The following XPR1 variants were observed in gnomAD, a reference collection of about 807,000 sequenced individuals.
XPR1 encodes the protein solute carrier family 53 member 1.
In XPR1, 28 loss-of-function variants were observed where a neutral mutation model predicts 87.5. The ratio of observed to expected loss-of-function variants is 0.32; its 90% CI spans 0.24 to 0.44. The LOEUF is 0.44. Ranked by LOEUF, XPR1 falls within the 20% of genes least tolerant of loss-of-function variation. The pLI, the probability that XPR1 is intolerant of heterozygous loss-of-function variation, is 1.00. For synonymous variants in XPR1, 300 were observed against 306.1 expected, an observed-to-expected ratio of 0.98 and a Z score of 0.21; for missense variants, 559 against 862.3, an observed-to-expected ratio of 0.65 and a Z score of 4.41.
intron 1 of XPR1, among the ~76,000 whole-genome samples, chr1:180,639,523 C>G (rs548297758): frequency 6.6e-6 from 1 of 151,888 alleles, no homozygotes; most frequent in African/African-American, 2.4e-5. Flanking sequence ...ATTGACTATT[C>G]GTAAATAACT....
At chr1:180,812,126 C>CTTTG (rs138889676) in intron 7 of XPR1, among the ~76,000 whole-genome samples, 6,497 of 152,166 alleles carry the variant, frequency 0.043, 487 homozygotes, top group African/African-American at 0.15. Context: ...TCTTGAAACA[C>CTTTG]TTTGATTGTT....
intron 9 of XPR1, among the ~76,000 whole-genome samples, chr1:180,832,250 T>C (rs1189508460): frequency 9.9e-5 from 15 of 152,232 alleles, no homozygotes; most frequent in African/African-American, 3.4e-4. Flanking sequence ...TTTTTTTTCT[T>C]GTAAATTTGT....
At chr1:180,843,378 C>T (rs1651578954) in intron 11 of XPR1, among the ~76,000 whole-genome samples, 1 of 151,942 alleles carries the variant, frequency 6.6e-6, no homozygotes, top group Non-Finnish European at 1.5e-5. Flanking sequence ...ATTTTTAACT[C>T]TTTCAAAATT....
intron 2 of XPR1, among the ~76,000 whole-genome samples, chr1:180,754,853 C>A (rs1299940447): frequency 6.6e-6 from 1 of 152,038 alleles, no homozygotes; most frequent in Non-Finnish European, 1.5e-5. Flanking sequence ...AGTCTTTTGT[C>A]CCCCTCACTC....
intron 2 of XPR1, among the ~76,000 whole-genome samples, chr1:180,696,208 G>GTGTGTGTATA (rs1241189679): frequency 1.1e-5 from 1 of 88,564 alleles, no homozygotes; most frequent in Non-Finnish European, 2.3e-5. Flanking sequence ...GTGTGTGTGT[G>GTGTGTGTATA]TATATATATA....
intron 2 of XPR1, among the ~76,000 whole-genome samples, chr1:180,707,863 A>T (rs1657610715): frequency 6.6e-6 from 1 of 152,088 alleles, no homozygotes; most frequent in Non-Finnish European, 1.5e-5. Context: ...TCCATTACTA[A>T]TTTTTCTCAT....
intron 2 of XPR1, among the ~76,000 whole-genome samples, chr1:180,720,394 A>G (rs1287289941): frequency 6.6e-6 from 1 of 152,162 alleles, no homozygotes; most frequent in Non-Finnish European, 1.5e-5. Context: ...CTTTTTTGGT[A>G]GAGATACAAC....
At chr1:180,856,753 T>G (rs938666179) in intron 11 of XPR1, among the ~76,000 whole-genome samples, 11 of 152,186 alleles carry the variant, frequency 7.2e-5, no homozygotes, top group African/African-American at 2.7e-4. Context: ...ACCTCTCTGT[T>G]CCTTAAACTT....
chr1:180,659,228 TC>T (rs1655658289), intron 1 of XPR1, among the ~76,000 whole-genome samples: 2 of 33,376 alleles, frequency 6.0e-5, no homozygotes, highest in African/African-American at 8.9e-5. Flanking sequence ...CTTCCTTCCT[TC>T]CTTCCTTCCT....
chr1:180,846,551 C>T (rs1042724276), intron 11 of XPR1, among the ~76,000 whole-genome samples: 4 of 151,714 alleles, frequency 2.6e-5, no homozygotes, highest in East Asian at 1.9e-4. Flanking sequence ...AAGCAATTCT[C>T]CTGCCTCAGC....
intron 10 of XPR1, 123 bp from the exon 11 acceptor site, chr1:180,836,399 A>G: frequency 2.0e-6 from 2 of 985,436 alleles, no homozygotes; most frequent in East Asian, 2.6e-5. Context: ...AGTTGCAAAG[A>G]AGAAAGTGAT....
chr1:180,675,994 G>A (rs949974505), intron 1 of XPR1, among the ~76,000 whole-genome samples: 2 of 152,086 alleles, frequency 1.3e-5, no homozygotes, highest in African/African-American at 2.4e-5. Context: ...AAAGAGTTCC[G>A]TATGATTTCA....
intron 11 of XPR1, among the ~76,000 whole-genome samples, chr1:180,838,104 C>A (rs564383592): frequency 6.6e-6 from 1 of 152,142 alleles, no homozygotes; most frequent in Non-Finnish European, 1.5e-5. Context: ...GCCTGGAAGC[C>A]GTACTGATAA....
chr1:180,720,904 G>A (rs140070198), intron 2 of XPR1, among the ~76,000 whole-genome samples: 88 of 152,140 alleles, frequency 5.8e-4, no homozygotes, highest in African/African-American at 2.0e-3. Flanking sequence ...AGAATCAGAG[G>A]GTAAAATGAG....
chr1:180,776,965 A>T (rs139003956), intron 2 of XPR1, among the ~76,000 whole-genome samples: 17 of 152,324 alleles, frequency 1.1e-4, no homozygotes, highest in African/African-American at 4.1e-4. Context: ...TTGTGTAGGG[A>T]CTACTTAAGC....
intron 2 of XPR1, among the ~76,000 whole-genome samples, chr1:180,699,435 A>G (rs1040584044): frequency 7.3e-5 from 8 of 109,670 alleles, no homozygotes; most frequent in East Asian, 2.7e-4. Flanking sequence ...TCATTGTTCA[A>G]TTCCCACCTA....
rs559554680 is a variant in XPR1, at chr1:180,741,360, T to C, written c.122-46393T>C. Among the ~76,000 whole-genome samples, 3 of 152,108 alleles carry C rather than the reference T, an allele frequency of 2.0e-5. No homozygotes were observed. The South Asian group carries it at 6.3e-4, about 32-fold the overall frequency. On this transcript the variant is annotated intron_variant, in intron 2 of 14. Coordinates refer to ENST00000367590, the MANE Select transcript of XPR1 (RefSeq NM_004736.4). ...TTTGTATTTTTAGTAGAGATGGGGT[T>C]TCACCATGTTGGCCAGGCTGGTCTC...
At chr1:180,732,627 A>G (rs1015952728) in intron 2 of XPR1, among the ~76,000 whole-genome samples, 2 of 152,184 alleles carry the variant, frequency 1.3e-5, no homozygotes, top group African/African-American at 4.8e-5. Context: ...AGGGGAGCGT[A>G]CAGATGGTCA....
At chr1:180,719,636 G>A (rs1202643009) in intron 2 of XPR1, among the ~76,000 whole-genome samples, 1 of 152,002 alleles carries the variant, frequency 6.6e-6, no homozygotes, top group African/African-American at 2.4e-5. Context: ...TATTTGTGGG[G>A]TACAGAGTGA....
Sources: allele counts gnomAD v4.1 joint callset (sites outside exome capture counted in the v4.1 genomes callset), GRCh38; gene constraint gnomAD v4.1.1; transcripts MANE v1.5; gene names NCBI Gene and HGNC (gene_info 2026-07-23, HGNC 2026-07-21).